The following ANOS1 variants were observed in gnomAD, a reference collection of about 807,000 sequenced individuals.
The protein encoded by ANOS1 is anosmin-1.
Under a neutral mutation model 59.0 loss-of-function variants are expected in ANOS1, and 6 were observed. The ratio of observed to expected loss-of-function variants is 0.10; its 90% CI spans 0.06 to 0.20. ANOS1 has a LOEUF of 0.20. Ranked by LOEUF, ANOS1 falls within the 10% of genes least tolerant of loss-of-function variation. The pLI is 1.00. For synonymous variants in ANOS1, 217 were observed against 223.4 expected (o/e 0.97, Z 0.25); for missense variants, 433 against 542.3 (o/e 0.80, Z 2.00).
chrX:8,587,869 A>G lies in ANOS1; in HGVS notation c.651T>C (p.Tyr217=). The G allele has an allele frequency of 8.3e-7, 1 of 1,207,459 alleles. No individual in the cohort carries two copies. The highest frequency in any genetic ancestry group is 1.1e-6 in the Non-Finnish European group (1 of 892,484). ...CATAATTCCATCTTCTTTGTACCAC[A>G]TAGATCACAGGCTCAATAGAAATAT... ...KFNISIEPVI[Y]VVQRRWNYGI... Residue 217 remains tyrosine (Y), a synonymous_variant, in exon 5 of 14, where the codon TAT becomes TAC. Transcript: ENST00000262648.
chrX:8,697,050 T>G (rs1210884015), intron 2 of ANOS1, among the ~76,000 whole-genome samples: 1 of 112,045 alleles, frequency 8.9e-6, no homozygotes, highest in African/African-American at 3.2e-5. Context: ...TCTTCCAGCC[T>G]GGCCAACATG....
chrX:8,640,131 CATGG>C (rs1306898945), intron 2 of ANOS1, among the ~76,000 whole-genome samples: 4 of 111,188 alleles, frequency 3.6e-5, no homozygotes, highest in Non-Finnish European at 7.5e-5. Flanking sequence ...CCATATCCCT[CATGG>C]CTAAGCAGCC....
chrX:8,702,208 T>C (rs1375476495), intron 1 of ANOS1, among the ~76,000 whole-genome samples: 1 of 111,262 alleles, frequency 9.0e-6, no homozygotes, highest in African/African-American at 3.3e-5. Flanking sequence ...TGAAGTTCGT[T>C]ATGATTTTTG....
At chrX:8,606,591 A>C (rs1930947357) in intron 3 of ANOS1, among the ~76,000 whole-genome samples, 2 of 112,395 alleles carry the variant, frequency 1.8e-5, no homozygotes, top group African/African-American at 6.5e-5. Context: ...AAGTAATATT[A>C]AACTTTAAGC....
At chrX:8,626,635 G>A (rs946271063) in intron 2 of ANOS1, among the ~76,000 whole-genome samples, 1 of 110,568 alleles carries the variant, frequency 9.0e-6, no homozygotes, top group Non-Finnish European at 1.9e-5. Flanking sequence ...CGAGGCAGGC[G>A]GATCACAAGG....
intron 6 of ANOS1, among the ~76,000 whole-genome samples, chrX:8,581,549 C>A (rs1226987031): frequency 8.9e-6 from 1 of 111,802 alleles, no homozygotes; most frequent in Non-Finnish European, 1.9e-5. Flanking sequence ...GCACTGAATT[C>A]ATAGTAGATT....
intron 1 of ANOS1, among the ~76,000 whole-genome samples, chrX:8,729,712 T>TAAAAAAAAAAAAAA (rs1173021674): frequency 1.0e-3 from 63 of 63,046 alleles, no homozygotes; most frequent in African/African-American, 3.7e-3. Flanking sequence ...TTCTAATTAT[T>TAAAAAAAAAAAAAA]AAAAAAAAAA....
intron 2 of ANOS1, among the ~76,000 whole-genome samples, chrX:8,694,953 A>T (rs1385254093): frequency 8.9e-6 from 1 of 111,758 alleles, no homozygotes; most frequent in African/African-American, 3.3e-5. Flanking sequence ...CTTACTTACT[A>T]CTAAAATTGA....
At chrX:8,558,733 G>A (rs116303356) in intron 8 of ANOS1, among the ~76,000 whole-genome samples, 421 of 111,264 alleles carry the variant, frequency 3.8e-3, no homozygotes, top group African/African-American at 0.013. Context: ...ACGGAAATAC[G>A]GTTCAGCTTT....
intron 2 of ANOS1, among the ~76,000 whole-genome samples, chrX:8,639,494 A>C (rs924037945): frequency 3.6e-5 from 4 of 111,965 alleles, no homozygotes; most frequent in Admixed American, 1.9e-4. Flanking sequence ...GATGCTGCTG[A>C]TAATGTACCC....
intron 2 of ANOS1, among the ~76,000 whole-genome samples, chrX:8,657,735 G>A (rs1433569553): frequency 1.8e-5 from 2 of 111,442 alleles, no homozygotes; most frequent in Non-Finnish European, 3.8e-5. Context: ...CCAAAGTGCT[G>A]GGATTACAGG....
At chrX:8,664,264 C>T (rs964125315) in intron 2 of ANOS1, among the ~76,000 whole-genome samples, 1 of 111,976 alleles carries the variant, frequency 8.9e-6, no homozygotes, top group Middle Eastern at 4.7e-3. Context: ...GATCTTGGCT[C>T]ACTGCAAGCT....
intron 1 of ANOS1, among the ~76,000 whole-genome samples, chrX:8,702,384 G>C (rs1330400108): frequency 2.7e-5 from 3 of 111,872 alleles, no homozygotes; most frequent in Non-Finnish European, 5.6e-5. Flanking sequence ...CCATTGGCTT[G>C]GTTATAAGCT....
intron 3 of ANOS1, among the ~76,000 whole-genome samples, chrX:8,610,006 C>CAAAAAAAAAAAAA (rs1167209336): frequency 1.4e-3 from 13 of 9,163 alleles, no homozygotes; most frequent in African/African-American, 2.7e-3. Context: ...GACTCCATCT[C>CAAAAAAAAAAAAA]AAAAAAAAAA....
At chrX:8,694,358 G>A (rs1025225852) in intron 2 of ANOS1, among the ~76,000 whole-genome samples, 1 of 112,672 alleles carries the variant, frequency 8.9e-6, no homozygotes, top group East Asian at 2.8e-4. Flanking sequence ...TAAGAGAAAG[G>A]TTAATGAAAA....
At position 8,570,482 on chromosome X, in the gene ANOS1, C is replaced by T; in HGVS notation, c.1062+17G>A. ...CCCTCTGTGGGAATAACAATCCTTC[C>T]TCCAGTTCCCACTCACCCCATCCGT... is the stretch of plus-strand genomic sequence containing the variant. On this transcript the variant is annotated intron_variant, in intron 7 of 13. Transcript: ENST00000262648. The T allele has an allele frequency of 2.5e-6, 3 of 1,186,675 alleles. No homozygotes were observed. The highest frequency in any genetic ancestry group is 1.8e-5 in the South Asian group (1 of 56,081).
intron 2 of ANOS1, among the ~76,000 whole-genome samples, chrX:8,628,552 C>T (rs1311977723): frequency 8.9e-6 from 1 of 111,827 alleles, no homozygotes; most frequent in Non-Finnish European, 1.9e-5. Flanking sequence ...CATCTCTCTT[C>T]CACGAGAGGA....
rs761736016 is a variant in ANOS1 at position 8,592,964 on chromosome X, T to TA, written c.541+4069dup. ...ATATTTTCAAGACACCCATCGCTTT[T>TA]AAAAACTCAAGTGACCAGTATAAAA... On this transcript the variant is annotated intron_variant, in intron 4 of 13. Transcript: ENST00000262648. Among the ~76,000 whole-genome samples the TA allele has an allele frequency of 1.2e-4, 14 of 112,014 alleles. No individual in the cohort carries two copies. In the East Asian group the frequency reaches 3.1e-3, roughly 25 times the overall value.
At position 8,596,833 on chromosome X, in the gene ANOS1, C is replaced by T. The variant is rs1355716583; in HGVS notation, c.541+201G>A. On this transcript the variant is annotated intron_variant, in intron 4 of 13. Coordinates refer to ENST00000262648, the MANE Select transcript of ANOS1 (RefSeq NM_000216.4). Reference sequence around the variant, plus strand: ...AAAAAGAATTAATATGAATGACTTGCTCTGCCCCATGTCGAGTTAATATGG... The same window carrying T: ...AAAAAGAATTAATATGAATGACTTGTTCTGCCCCATGTCGAGTTAATATGG... 8.0e-5 allele frequency among the ~76,000 whole-genome samples: 9 copies of T among 112,219 alleles called. No homozygotes were observed. The East Asian group carries it at 2.0e-3, about 24-fold the overall frequency.
Sources: allele counts gnomAD v4.1 joint callset (sites outside exome capture counted in the v4.1 genomes callset), GRCh38; gene constraint gnomAD v4.1.1; transcripts MANE v1.5; gene names NCBI Gene and HGNC (gene_info 2026-07-23, HGNC 2026-07-21).